The following LETMD1 variants were observed in gnomAD, a reference collection of about 807,000 sequenced individuals.
LETMD1 encodes LETM1 domain-containing protein 1.
LETMD1 carries 30 observed loss-of-function variants against 43.9 expected under a neutral mutation model. That is an observed-to-expected ratio of 0.68 (90% confidence interval 0.51 to 0.93). LETMD1 has a LOEUF of 0.93. LETMD1 is among the 40% of genes least tolerant of loss of function. LETMD1 has a pLI of 0.00. For missense variants in LETMD1, 413 were observed against 447.7 expected, an observed-to-expected ratio of 0.92 and a Z score of 0.70; for synonymous variants, 176 against 163.1, an observed-to-expected ratio of 1.08 and a Z score of -0.60.
intron 3 of LETMD1, among the ~76,000 whole-genome samples, chr12:51,052,607 C>G (rs1213626021): frequency 6.6e-6 from 1 of 152,076 alleles, no homozygotes; most frequent in Admixed American, 6.6e-5. Context: ...AAGGTCAAAC[C>G]CCATCTCTAC....
intron 3 of LETMD1, among the ~76,000 whole-genome samples, chr12:51,053,153 AAGT>A (rs1310052742): frequency 6.6e-6 from 1 of 151,942 alleles, no homozygotes; most frequent in Non-Finnish European, 1.5e-5. Context: ...GGCAGCATGA[AAGT>A]AGTATTTGGT....
Position 51,055,964 on chromosome 12 carries a change from C to T in LETMD1, c.603C>T (p.Val201=), listed in dbSNP as rs1173811962. The stretch of plus-strand genomic sequence containing the variant: ...AAATTATTAGTTATTTAGAAAAGGT[C>T]ATCCCTCTCATTTCTGATGCAGGAC... ...HPEIISYLEK[V]IPLISDAGLR... is the part of the protein sequence containing the mutation. Residue 201 remains valine (V), a synonymous_variant, in exon 5 of 9, where the codon GTC becomes GTT. Transcript: ENST00000262055. 1 of 1,614,078 alleles carries T rather than the reference C, an allele frequency of 6.2e-7. No individual in the cohort carries two copies. Among genetic ancestry groups the T allele is most frequent in the South Asian group, 1.1e-5 (1 of 91,074 alleles).
At chr12:51,049,008 GA>G in intron 1 of LETMD1, 25 bp from the exon 2 acceptor site, 1 of 1,607,116 alleles carries the variant, frequency 6.2e-7, no homozygotes, top group Non-Finnish European at 8.5e-7. Context: ...CTGATTCCCA[GA>G]TAGTCTCTTT....
At chr12:51,055,710 C>T in intron 4 of LETMD1, 125 bp from the exon 5 acceptor site, 2 of 354,406 alleles carry the variant, frequency 5.6e-6, no homozygotes, top group Non-Finnish European at 5.3e-6. Flanking sequence ...AAAAAGAACA[C>T]TGAGGTAGGG....
Position 51,048,823 on chromosome 12 carries a change from A to G in LETMD1, c.123-211A>G, listed in dbSNP as rs192323697. On this transcript the variant is annotated intron_variant, in intron 1 of 8. Coordinates refer to ENST00000262055, the MANE Select transcript of LETMD1 (RefSeq NM_015416.5). ...GGCATTGCGCTCTCTCCAGAGGCAT[A>G]CCCTGAGTTACTTTCCTGCCTGGCC... 1,430 of 601,900 alleles carry G rather than the reference A, an allele frequency of 2.4e-3. 17 individuals are homozygous for G. The Middle Eastern group carries it at 0.029, about 12-fold the overall frequency. The allele number at this position is 601,900 out of a possible 1,614,324, so 37.3% of individuals were successfully genotyped here.
rs1299985722 is a variant in LETMD1 at position 51,059,385 on chromosome 12, A to T, written c.1037A>T (p.His346Leu). ...LKEAELSLLL[H>L]NVVLLSTNYL... ...GAAGCTGAGCTGTCTCTCTTGCTGC[A>T]CAACGTGGTCCTGCTCTCCACCAAC... The change falls in exon 9 of 9, where the codon CAC (histidine) becomes CTC (leucine). Residue 346 changes from histidine (H) to leucine (L), a missense_variant. Physicochemically the swap from His to Leu is moderately conservative, Grantham distance 99. Transcript: ENST00000262055. 1 of 1,614,220 alleles carries T rather than the reference A, an allele frequency of 6.2e-7. No homozygotes were observed. Among genetic ancestry groups the T allele is most frequent in the South Asian group, 1.1e-5 (1 of 91,088 alleles).
intron 8 of LETMD1, 53 bp from the exon 9 acceptor site, chr12:51,059,308 A>AG: frequency 6.7e-7 from 1 of 1,489,206 alleles, no homozygotes; most frequent in Non-Finnish European, 9.4e-7. Context: ...ATATATAACA[A>AG]GGCAGTTATA....
rs765683363 is a variant in LETMD1, at chr12:51,059,357, T to G, written c.1013-4T>G. 6.2e-7 allele frequency: 1 copy of G among 1,614,090 alleles called. No individual in the cohort carries two copies. Among genetic ancestry groups the G allele is most frequent in the South Asian group, 1.1e-5 (1 of 91,076 alleles). ...AAGCCAAACCACTAACACTGTGTTT[T>G]CAGAAGCTGAGCTGTCTCTCTTGCT... On this transcript the variant is annotated splice_polypyrimidine_tract_variant and splice_region_variant and intron_variant, in intron 8 of 8. Transcript: ENST00000262055.
intron 8 of LETMD1, chr12:51,058,801 A>G (rs1335713540): frequency 6.2e-6 from 1 of 161,080 alleles, no homozygotes; most frequent in African/African-American, 2.4e-5. Flanking sequence ...CCCTTCACCC[A>G]CAGTTGTCTC....
chr12:51,048,877 TTGCCTATCTCTTCTTGACCCCAA>T (rs1945123436), intron 1 of LETMD1, 134 bp from the exon 2 acceptor site: 2 of 696,732 alleles, frequency 2.9e-6, no homozygotes, highest in South Asian at 4.0e-5. Flanking sequence ...CACAGTCTGA[TTGCCTATCTCTTCTTGACCCCAA>T]GACCTTCCTT....
chr12:51,050,945 G>A (rs1431987677), intron 2 of LETMD1, among the ~76,000 whole-genome samples: 2 of 151,472 alleles, frequency 1.3e-5, no homozygotes, highest in Admixed American at 6.6e-5. Flanking sequence ...CCTGGGAGAC[G>A]GAGGTTGTGG....
At chr12:51,064,301 G>A, downstream of LETMD1, 1 of 1,613,852 alleles carries the variant, frequency 6.2e-7, no homozygotes, top group Middle Eastern at 1.7e-4. Flanking sequence ...CCTCTAGGAT[G>A]CACACACCCA....
chr12:51,049,035 T>A lies in LETMD1; in HGVS notation c.124T>A (p.Ser42Thr). ...TAGTCTCTTTGATCTTCCTTGTAGG[T>A]CTTCAAAGCTTCACCTTTCTCCAAA... ...RSGLAWGAPRSSKLHLSPKAD... is the reference protein window; with the variant it reads ...RSGLAWGAPRTSKLHLSPKAD... Residue 42 changes from serine (S) to threonine (T), a missense_variant and splice_region_variant, in exon 2 of 9, where the codon TCT (serine) becomes ACT (threonine). Coordinates refer to ENST00000262055, the MANE Select transcript of LETMD1 (RefSeq NM_015416.5). 1 of 1,613,706 alleles carries A rather than the reference T, an allele frequency of 6.2e-7. No homozygotes were observed. Among genetic ancestry groups the A allele is most frequent in the Non-Finnish European group, 8.5e-7 (1 of 1,179,814 alleles).
At chr12:51,063,759 G>C, downstream of LETMD1, 1 of 1,562,424 alleles carries the variant, frequency 6.4e-7, no homozygotes, top group Non-Finnish European at 8.7e-7. Flanking sequence ...CACTGCCAGA[G>C]GGAGTTCTAA....
downstream of LETMD1, chr12:51,062,454 C>G (rs1278247505): frequency 6.6e-6 from 1 of 152,316 alleles, no homozygotes; most frequent in East Asian, 1.9e-4. Context: ...ACAGGATGAA[C>G]AGGAACTGTA....
downstream of LETMD1, among the ~76,000 whole-genome samples, chr12:51,060,675 A>G (rs1035899536): frequency 2.6e-5 from 4 of 152,012 alleles, no homozygotes; most frequent in Admixed American, 6.6e-5. Flanking sequence ...GGCTGAGGCG[A>G]GCGGATCACA....
At chr12:51,053,719 G>A in intron 3 of LETMD1, 59 bp from the exon 4 acceptor site, 1 of 1,136,364 alleles carries the variant, frequency 8.8e-7, no homozygotes, top group Non-Finnish European at 1.3e-6. Flanking sequence ...TGGATGGATT[G>A]TCTATTGTAT....
In LETMD1 at chr12:51,055,914, G is replaced by A; in HGVS notation, c.553G>A (p.Ala185Thr). The change falls in exon 5 of 9, where the codon GCT (alanine) becomes ACT (threonine). Residue 185 changes from alanine to threonine, a missense_variant. Physicochemically the swap from Ala to Thr is moderately conservative, Grantham distance 58. Transcript: ENST00000262055. ...QQTDFLDIYH[A>T]FRKQSHPEII... ...AACTGATTTCTTAGATATCTATCATGCTTTCCGGAAGCAGTCCCACCCAGA... is the reference window on the plus strand; with the variant it reads ...AACTGATTTCTTAGATATCTATCATACTTTCCGGAAGCAGTCCCACCCAGA... 6.2e-7 allele frequency: 1 copy of A among 1,613,862 alleles called. No individual in the cohort carries two copies. The highest frequency in any genetic ancestry group is 2.2e-5 in the East Asian group (1 of 44,880).
chr12:51,066,652 A>AAG, the LETMD1 span, among the ~76,000 whole-genome samples: 1 of 150,732 alleles, frequency 6.6e-6, no homozygotes. Flanking sequence ...AAAAAAAAAA[A>AAG]GGGCAGCCAA....
Sources: allele counts gnomAD v4.1 joint callset (sites outside exome capture counted in the v4.1 genomes callset), GRCh38; gene constraint gnomAD v4.1.1; transcripts MANE v1.5; gene names NCBI Gene and HGNC (gene_info 2026-07-23, HGNC 2026-07-21).